The following CNTLN variants were observed in gnomAD, a reference collection of about 807,000 sequenced individuals.
The protein encoded by CNTLN is centlein, centrosomal protein.
Under a neutral mutation model 180.0 loss-of-function variants are expected in CNTLN, and 212 were observed. The ratio of observed to expected loss-of-function variants is 1.18; its 90% confidence interval spans 1.05 to 1.32. CNTLN has a LOEUF of 1.32. CNTLN is among the 40% of genes most tolerant of loss of function. The pLI, the probability that CNTLN is intolerant of heterozygous loss-of-function variation, is 0.00. For missense variants in CNTLN, 2,095 were observed against 1,610.9 expected (o/e 1.30, Z -5.14); for synonymous variants, 722 against 563.1 (o/e 1.28, Z -3.99).
chr9:17,193,683 A>G (rs1017532897), intron 2 of CNTLN, among the ~76,000 whole-genome samples: 4 of 152,090 alleles, frequency 2.6e-5, no homozygotes, highest in African/African-American at 9.7e-5. Context: ...CAAATGGTGC[A>G]AGCTGTTGGT....
At chr9:17,296,886 A>G (rs975041497) in intron 6 of CNTLN, among the ~76,000 whole-genome samples, 3 of 152,204 alleles carry the variant, frequency 2.0e-5, no homozygotes, top group African/African-American at 7.2e-5. Context: ...TTGCTCCCAT[A>G]CTAATTTTCA....
At chr9:17,317,811 A>T (rs1477195085) in intron 8 of CNTLN, among the ~76,000 whole-genome samples, 3 of 152,136 alleles carry the variant, frequency 2.0e-5, no homozygotes. Context: ...GTGTGGCTAG[A>T]TTGAGAGCTA....
At position 17,395,008 on chromosome 9, in the gene CNTLN, G is replaced by A. The variant is rs758175775; in HGVS notation, c.2554G>A (p.Val852Ile). 1 of 1,613,508 alleles carries A rather than the reference G, an allele frequency of 6.2e-7. No homozygotes were observed. The highest frequency in any genetic ancestry group is 2.2e-5 in the East Asian group (1 of 44,860). The change falls in exon 15 of 26, where the codon GTT becomes ATT. Residue 852 changes from valine to isoleucine, a missense_variant. Coordinates refer to ENST00000380647, the MANE Select transcript of CNTLN (RefSeq NM_017738.4). The stretch of plus-strand genomic sequence containing the variant: ...CACTGTTCTCAATCATTCCATCAAG[G>A]TTATGAGCAATGTGTTTGAGAACCT... Reference protein sequence around the residue: ...HHTVLNHSIKVMSNVFENLSK... With the variant: ...HHTVLNHSIKIMSNVFENLSK...
intron 24 of CNTLN, among the ~76,000 whole-genome samples, chr9:17,486,061 A>G (rs1005069714): frequency 5.3e-5 from 8 of 152,122 alleles, no homozygotes; most frequent in Non-Finnish European, 1.0e-4. Context: ...TAAGAGATAT[A>G]AACACACTGT....
At chr9:17,198,424 TAA>T (rs1563871593) in intron 2 of CNTLN, among the ~76,000 whole-genome samples, 2 of 150,244 alleles carry the variant, frequency 1.3e-5, no homozygotes. Context: ...TCAGTTTCTT[TAA>T]TCAGTGTTCT....
chr9:17,279,814 C>G (rs941847884), intron 6 of CNTLN, among the ~76,000 whole-genome samples: 3 of 64,292 alleles, frequency 4.7e-5, no homozygotes, highest in African/African-American at 8.1e-5. Context: ...AAATTTAGTC[C>G]TCAGTGTGGG....
intron 14 of CNTLN, among the ~76,000 whole-genome samples, chr9:17,388,480 C>T (rs1237530028): frequency 1.3e-5 from 2 of 151,834 alleles, no homozygotes; most frequent in Non-Finnish European, 2.9e-5. Flanking sequence ...ACATTATTTT[C>T]AAAAGGTGAA....
chr9:17,371,359 A>G (rs1029474538), intron 13 of CNTLN, among the ~76,000 whole-genome samples: 2 of 152,276 alleles, frequency 1.3e-5, no homozygotes, highest in Non-Finnish European at 2.9e-5. Flanking sequence ...TCAAGCAAAA[A>G]CTGTAAGAGA....
chr9:17,184,801 A>G (rs1208770499), intron 2 of CNTLN, among the ~76,000 whole-genome samples: 1 of 152,196 alleles, frequency 6.6e-6, no homozygotes, highest in Admixed American at 6.5e-5. Flanking sequence ...GTCTTTATTC[A>G]AAACCTGATA....
At chr9:17,483,593 A>G (rs1250932065) in intron 23 of CNTLN, among the ~76,000 whole-genome samples, 1 of 152,226 alleles carries the variant, frequency 6.6e-6, no homozygotes, top group Non-Finnish European at 1.5e-5. Flanking sequence ...CATGTATTGA[A>G]GCACTCTGTC....
Position 17,143,224 on chromosome 9 carries a change from TGTA to T in CNTLN, c.361-60_361-58del. The stretch of plus-strand genomic sequence containing the variant: ...ATTGTTTTTTCATTTTAAAATTTAA[TGTA>T]GTATCTTATTTCACTACCACTACAA... On this transcript the variant is annotated intron_variant, in intron 1 of 25. Transcript: ENST00000380647. The T allele has an allele frequency of 6.4e-6, 7 of 1,100,634 alleles. No homozygotes were observed. In the South Asian group the frequency reaches 9.5e-5, roughly 15 times the overall value. The allele number at this position is 1,100,634 out of a possible 1,614,324, so 68.2% of individuals were successfully genotyped here.
intron 5 of CNTLN, among the ~76,000 whole-genome samples, chr9:17,244,718 G>C (rs1320659480): frequency 6.6e-6 from 1 of 151,854 alleles, no homozygotes; most frequent in Non-Finnish European, 1.5e-5. Context: ...TCTCTTCCAT[G>C]TTTTCTTCCT....
rs1300001541 is a variant in CNTLN at position 17,503,138 on chromosome 9, T to C, written c.*486T>C. On this transcript the variant is annotated 3_prime_UTR_variant, in exon 26 of 26. Transcript: ENST00000380647. ...ATCATAACTTGAGCATTTATTGAAA[T>C]AAATTGTGTGGTCCAATTGAATCTG... 1 of 152,342 alleles carries C rather than the reference T, an allele frequency of 6.6e-6. No individual in the cohort carries two copies. Among genetic ancestry groups the C allele is most frequent in the Non-Finnish European group, 1.5e-5 (1 of 68,156 alleles). The allele number at this position is 152,342 out of a possible 1,614,324, so 9.4% of individuals were successfully genotyped here.
chr9:17,461,733 A>G (rs946243498), intron 19 of CNTLN, among the ~76,000 whole-genome samples: 3 of 151,610 alleles, frequency 2.0e-5, no homozygotes, highest in Non-Finnish European at 4.4e-5. Context: ...CAAATATTTT[A>G]AAAGCTATTA....
rs1023173787 is a variant in CNTLN, at chr9:17,223,638, C to T, written c.450-2565C>T. ...GCATCTGCCTATCATGTACAATTCA[C>T]CTTTCTTTTTTACCTGGCTGTTTCA... On this transcript the variant is annotated intron_variant, in intron 2 of 25. Coordinates refer to ENST00000380647, the MANE Select transcript of CNTLN (RefSeq NM_017738.4). 2.0e-5 allele frequency among the ~76,000 whole-genome samples: 3 copies of T among 152,120 alleles called. No homozygotes were observed. In the South Asian group the frequency reaches 6.2e-4, roughly 32 times the overall value.
At chr9:17,386,606 G>C (rs1825702905) in intron 13 of CNTLN, among the ~76,000 whole-genome samples, 1 of 152,112 alleles carries the variant, frequency 6.6e-6, no homozygotes, top group African/African-American at 2.4e-5. Context: ...ATCTTCTTGA[G>C]CGTTCTGTAT....
At chr9:17,243,910 A>G (rs2132218849) in intron 5 of CNTLN, among the ~76,000 whole-genome samples, 1 of 152,230 alleles carries the variant, frequency 6.6e-6, no homozygotes. Context: ...TGGGGTGTTG[A>G]AGCCTCCAGC....
intron 2 of CNTLN, among the ~76,000 whole-genome samples, chr9:17,158,143 C>G (rs2131566472): frequency 6.6e-6 from 1 of 152,232 alleles, no homozygotes; most frequent in Non-Finnish European, 1.5e-5. Flanking sequence ...TCTTTTCTGT[C>G]TATTGAGATG....
intron 6 of CNTLN, among the ~76,000 whole-genome samples, chr9:17,294,127 C>G (rs542659832): frequency 4.2e-4 from 64 of 152,214 alleles, no homozygotes; most frequent in Non-Finnish European, 8.2e-4. Flanking sequence ...AGTGAAGCTG[C>G]AGACCTTCGA....
Sources: gnomAD v4.1 joint callset for allele counts (sites outside exome capture counted in the v4.1 genomes callset) on GRCh38, gnomAD v4.1.1 for gene constraint, MANE v1.5 for transcripts, NCBI Gene and HGNC (gene_info 2026-07-23, HGNC 2026-07-21) for gene names.